Variants in HERC1 observed in about 807,000 individuals in gnomAD.
The protein encoded by HERC1 is HECT and RLD domain containing E3 ubiquitin protein ligase family member 1.
In HERC1, 160 loss-of-function variants were observed where a neutral mutation model predicts 554.3. That is an observed-to-expected ratio of 0.29 (90% CI 0.25 to 0.33). The LOEUF (loss-of-function observed/expected upper bound fraction) is 0.33, where lower values mean the gene tolerates loss of function less well. Ranked by LOEUF, HERC1 falls within the 10% of genes least tolerant of loss-of-function variation. The probability of loss-of-function intolerance (pLI) is 1.00; values close to 1 mark genes in which losing one functional copy is unlikely to be tolerated. For synonymous variants in HERC1, 2,175 were observed against 2,131.7 expected (o/e 1.02, Z -0.56); for missense variants, 4,919 against 5,918.5 (o/e 0.83, Z 5.54).
At chr15:63,610,504 C>T (rs1423733297) in intron 77 of HERC1, among the ~76,000 whole-genome samples, 1 of 152,184 alleles carries the variant, frequency 6.6e-6, no homozygotes, top group Non-Finnish European at 1.5e-5. Context: ...AGGGTTGTTT[C>T]CAGAGCTGAG....
chr15:63,658,398 A>T (rs2070166507), intron 48 of HERC1, 146 bp downstream of exon 48: 1 of 599,744 alleles, frequency 1.7e-6, no homozygotes, highest in Non-Finnish European at 2.7e-6. Flanking sequence ...TTGAGTGAAT[A>T]ACAATGACTA....
At chr15:63,707,140 T>A (rs980080947) in intron 24 of HERC1, among the ~76,000 whole-genome samples, 1 of 152,232 alleles carries the variant, frequency 6.6e-6, no homozygotes, top group South Asian at 2.1e-4. Flanking sequence ...CACAGTATGA[T>A]CTTATTAGCA....
chr15:63,736,609 T>C (rs2074514964), intron 12 of HERC1, among the ~76,000 whole-genome samples: 1 of 82,116 alleles, frequency 1.2e-5, no homozygotes, highest in African/African-American at 4.2e-5. Flanking sequence ...AGCATCACAC[T>C]CTCTTTTTTT....
intron 68 of HERC1, among the ~76,000 whole-genome samples, chr15:63,631,959 G>C (rs915077039): frequency 6.6e-6 from 1 of 152,064 alleles, no homozygotes; most frequent in Admixed American, 6.6e-5. Context: ...TACGAATAAG[G>C]ATTTAACTAC....
chr15:63,765,715 C>A (rs868394802), intron 2 of HERC1, among the ~76,000 whole-genome samples: 16 of 152,198 alleles, frequency 1.1e-4, no homozygotes, highest in Middle Eastern at 3.4e-3. Flanking sequence ...TCAGATCAAA[C>A]CAATAAGATC....
intron 1 of HERC1, among the ~76,000 whole-genome samples, chr15:63,786,941 TGA>T (rs2076472060): frequency 6.6e-6 from 1 of 150,692 alleles, no homozygotes; most frequent in African/African-American, 2.4e-5. Context: ...TTTTATTTTT[TGA>T]GACGGAGTTT....
At chr15:63,720,102 C>CTTTTTTTTTTTTTTTTTTTTTT (rs1214451219) in intron 19 of HERC1, among the ~76,000 whole-genome samples, 40 of 20,946 alleles carry the variant, frequency 1.9e-3, no homozygotes, top group Non-Finnish European at 5.0e-3. Context: ...CTTTTTCTTC[C>CTTTTTTTTTTTTTTTTTTTTTT]CTTTTTTTTT....
In HERC1 at chr15:63,618,840, G is replaced by T. The variant is rs1211789941; in HGVS notation, c.13689-2158C>A. Among the ~76,000 whole-genome samples the T allele has an allele frequency of 2.6e-5, 4 of 152,196 alleles. No homozygotes were observed. The South Asian group carries it at 8.3e-4, about 32-fold the overall frequency. On this transcript the variant is annotated intron_variant, in intron 74 of 77. Coordinates refer to ENST00000443617, the MANE Select transcript of HERC1 (RefSeq NM_003922.4). Reference sequence around the variant, plus strand: ...AGAATGTTTGTGATTTTTGCACATTGATTTTGTATCCTGATACTTTGCTGA... The same window carrying T: ...AGAATGTTTGTGATTTTTGCACATTTATTTTGTATCCTGATACTTTGCTGA...
In HERC1 at chr15:63,749,354, T is replaced by C. The variant is rs773614259; in HGVS notation, c.2219+13A>G. On this transcript the variant is annotated intron_variant, in intron 10 of 77. Coordinates refer to ENST00000443617, the MANE Select transcript of HERC1 (RefSeq NM_003922.4). The surrounding 1 kb of genome is among the most constrained non-coding windows in gnomAD (Gnocchi z 4.1). ...TAAAACACACAAGAATTTTTAAACA[T>C]AGGCACTCTTACCTGTCCCTAGGAA... The C allele has an allele frequency of 1.3e-6, 2 of 1,569,776 alleles. No homozygotes were observed. The highest frequency in any genetic ancestry group is 1.7e-6 in the Non-Finnish European group (2 of 1,162,636).
Position 63,694,465 on chromosome 15 carries a change from G to A in HERC1, c.5327C>T (p.Thr1776Ile). ...QPVDVSLAIS[T>I]GLLNVLSQLC... Reference sequence around the variant, plus strand: ...CTGTGACAATACGTTTAGCAGACCAGTGGAAATTGCCAAAGAAACATCTAC... The same window carrying A: ...CTGTGACAATACGTTTAGCAGACCAATGGAAATTGCCAAAGAAACATCTAC... Residue 1776 changes from threonine (T) to isoleucine (I), a missense_variant, in exon 29 of 78, where the codon ACT (threonine) becomes ATT (isoleucine). Physicochemically the swap from Thr to Ile is moderately conservative, Grantham distance 89. Coordinates refer to ENST00000443617, the MANE Select transcript of HERC1 (RefSeq NM_003922.4). The surrounding 1 kb of genome is among the most constrained non-coding windows in gnomAD (Gnocchi z 4.3). 1.2e-6 allele frequency: 2 copies of A among 1,614,008 alleles called. No individual in the cohort carries two copies. Among genetic ancestry groups the A allele is most frequent in the Non-Finnish European group, 1.7e-6 (2 of 1,179,892 alleles).
At chr15:63,662,042 C>G (rs371144516) in intron 44 of HERC1, 21 bp from the exon 45 acceptor site, 1 of 1,597,434 alleles carries the variant, frequency 6.3e-7, no homozygotes, top group South Asian at 1.1e-5. Context: ...GGATTTCATA[C>G]CAAATGATTA....
chr15:63,744,156 GTGTGTGTGTC>G (rs1464095176), intron 12 of HERC1, among the ~76,000 whole-genome samples: 48 of 41,400 alleles, frequency 1.2e-3, no homozygotes, highest in Non-Finnish European at 2.6e-3. Context: ...GTGTGTGTGT[GTGTGTGTGTC>G]TCTCTCTCTC....
At chr15:63,688,962 C>G (rs2071944036) in intron 33 of HERC1, among the ~76,000 whole-genome samples, 1 of 152,108 alleles carries the variant, frequency 6.6e-6, no homozygotes, top group South Asian at 2.1e-4. Context: ...TCTTTTAAAA[C>G]CATAAATCAA....
At position 63,786,837 on chromosome 15, in the gene HERC1, T is replaced by C. The variant is rs1434874213; in HGVS notation, c.-26-11188A>G. 2.6e-5 allele frequency among the ~76,000 whole-genome samples: 4 copies of C among 152,306 alleles called. No homozygotes were observed. In the East Asian group the frequency reaches 5.8e-4, roughly 22 times the overall value. The stretch of plus-strand genomic sequence containing the variant: ...ACTAGAGACGGTAGTTGCACAATAC[T>C]GTGAAAGTACTAAATGCCACTAAAT... On this transcript the variant is annotated intron_variant, in intron 1 of 77. Transcript: ENST00000443617.
At chr15:63,656,977 G>A (rs1399477785) in intron 48 of HERC1, among the ~76,000 whole-genome samples, 1 of 152,136 alleles carries the variant, frequency 6.6e-6, no homozygotes, top group African/African-American at 2.4e-5. Context: ...GGGCTATTAT[G>A]AATAGTACTA....
chr15:63,732,785 A>G (rs961233705), intron 14 of HERC1, 139 bp downstream of exon 14: 1 of 609,054 alleles, frequency 1.6e-6, no homozygotes, highest in Admixed American at 2.9e-5. Context: ...TATTTCAGAA[A>G]CCCTGACATG....
chr15:63,761,513 G>A (rs1158314163), intron 3 of HERC1, among the ~76,000 whole-genome samples: 1 of 151,032 alleles, frequency 6.6e-6, no homozygotes, highest in Non-Finnish European at 1.5e-5. Flanking sequence ...CTTGAGCCCA[G>A]GAGATAGAAG....
At chr15:63,826,814 A>AATATATATATATAT (rs1555454978) in intron 1 of HERC1, among the ~76,000 whole-genome samples, 34 of 22,246 alleles carry the variant, frequency 1.5e-3, no homozygotes, top group Admixed American at 2.5e-3. Flanking sequence ...AAAAAAAAAA[A>AATATATATATATAT]ATATATATAT....
Position 63,651,255 on chromosome 15 carries a change from T to C in HERC1, c.10544A>G (p.Asn3515Ser). ...LEKMVNIWQV[N>S]GGKGLVDIQP... ...ACTAGTGTTTACATGACTCTTACCA[T>C]TAACTTGCCAGATATTCACCATCTT... The change falls in exon 53 of 78, where the codon AAT (asparagine) becomes AGT (serine). Residue 3515 changes from asparagine (N) to serine (S), a missense_variant and splice_region_variant. Coordinates refer to ENST00000443617, the MANE Select transcript of HERC1 (RefSeq NM_003922.4). 3 of 1,613,766 alleles carry C rather than the reference T, an allele frequency of 1.9e-6. No homozygotes were observed. Among genetic ancestry groups the C allele is most frequent in the Non-Finnish European group, 2.5e-6 (3 of 1,179,804 alleles).
Sources: allele counts gnomAD v4.1 joint callset (sites outside exome capture counted in the v4.1 genomes callset), GRCh38; gene constraint gnomAD v4.1.1; non-coding constraint Gnocchi (gnomAD v3.1); transcripts MANE v1.5; gene names NCBI Gene and HGNC (gene_info 2026-07-23, HGNC 2026-07-21).